CAMSAP2: variants seen among roughly 807,000 people sequenced by gnomAD.
CAMSAP2 encodes calmodulin regulated spectrin associated protein family member 2.
Under a neutral mutation model 146.1 loss-of-function variants are expected in CAMSAP2, and 26 were observed. That is an observed-to-expected ratio of 0.18 (90% CI 0.13 to 0.25). The LOEUF (loss-of-function observed/expected upper bound fraction) is 0.25, where lower values mean the gene tolerates loss of function less well. Ranked by LOEUF, CAMSAP2 falls within the 10% of genes least tolerant of loss-of-function variation. The probability of loss-of-function intolerance (pLI) is 1.00; values close to 1 mark genes in which losing one functional copy is unlikely to be tolerated. For missense variants in CAMSAP2, 1,381 were observed against 1,759.3 expected, an observed-to-expected ratio of 0.78 and a Z score of 3.85; for synonymous variants, 499 against 596.6, an observed-to-expected ratio of 0.84 and a Z score of 2.38.
At chr1:200,775,879 T>C (rs148194898) in intron 2 of CAMSAP2, among the ~76,000 whole-genome samples, 4 of 152,188 alleles carry the variant, frequency 2.6e-5, no homozygotes, top group Admixed American at 6.5e-5. Context: ...ACAAAATAAT[T>C]TGGGAAAAGA....
intron 2 of CAMSAP2, among the ~76,000 whole-genome samples, chr1:200,774,623 ATTATAG>A (rs1263021190): frequency 6.6e-6 from 1 of 152,226 alleles, no homozygotes; most frequent in African/African-American, 2.4e-5. Flanking sequence ...ATCATGTGTT[ATTATAG>A]TTAGAGTGGC....
chr1:200,830,521 T>G (rs2131832), intron 4 of CAMSAP2, among the ~76,000 whole-genome samples: 149,156 of 152,344 alleles, frequency 0.98, 73,085 homozygotes, highest in Middle Eastern at 1. Context: ...AGACTGTTTT[T>G]ATCCCAGATA....
rs1666545362 is a variant in CAMSAP2, at chr1:200,816,872, A to ATAT, written c.645+1228_645+1229insTAT. Among the ~76,000 whole-genome samples the ATAT allele has an allele frequency of 1.9e-4, 10 of 51,864 alleles. 2 individuals are homozygous for ATAT. The highest frequency in any genetic ancestry group is 2.4e-4 in the African/African-American group (3 of 12,674). 34.0% of individuals were successfully genotyped at this position (51,864 alleles called of 152,430 possible). A position where few individuals can be genotyped will look rare whatever the true frequency, so the allele number is the denominator to read the frequency against. ...CACACACACGCGTGTGTATGTGTGT[A>ATAT]CACACACACGCGTGTGTATGTGTGT... On this transcript the variant is annotated intron_variant, in intron 4 of 16. Transcript: ENST00000358823.
chr1:200,763,754 A>G (rs892641826), intron 2 of CAMSAP2, among the ~76,000 whole-genome samples: 3 of 152,112 alleles, frequency 2.0e-5, no homozygotes, highest in Non-Finnish European at 4.4e-5. Context: ...AATTTCTCAG[A>G]TTACTAGTAA....
At chr1:200,851,270 G>A (rs754081088) in intron 11 of CAMSAP2, among the ~76,000 whole-genome samples, 2 of 151,970 alleles carry the variant, frequency 1.3e-5, no homozygotes, top group African/African-American at 2.4e-5. Context: ...GCGCAATCTC[G>A]GCTTACCACA....
chr1:200,764,744 C>T (rs1442217911), intron 2 of CAMSAP2, among the ~76,000 whole-genome samples: 3 of 152,108 alleles, frequency 2.0e-5, no homozygotes, highest in South Asian at 2.1e-4. Context: ...CCAAATATCC[C>T]GTAAATGGCA....
chr1:200,838,486 C>A (rs1047247043), intron 6 of CAMSAP2, among the ~76,000 whole-genome samples: 11 of 152,078 alleles, frequency 7.2e-5, no homozygotes, highest in African/African-American at 2.7e-4. Flanking sequence ...TACGTAGATT[C>A]ATTCATTTGT....
intron 2 of CAMSAP2, among the ~76,000 whole-genome samples, chr1:200,792,690 A>G (rs1665787712): frequency 6.6e-6 from 1 of 152,204 alleles, no homozygotes; most frequent in Non-Finnish European, 1.5e-5. Context: ...AAAGTTACAT[A>G]CTGTATAAAT....
intron 6 of CAMSAP2, among the ~76,000 whole-genome samples, chr1:200,837,770 C>T (rs1667221318): frequency 6.6e-6 from 1 of 152,056 alleles, no homozygotes; most frequent in Admixed American, 6.6e-5. Flanking sequence ...TTGTAGTTCT[C>T]CTTGTAGAGA....
chr1:200,788,189 T>G (rs1288487364), intron 2 of CAMSAP2, among the ~76,000 whole-genome samples: 1 of 152,222 alleles, frequency 6.6e-6, no homozygotes, highest in Non-Finnish European at 1.5e-5. Context: ...TTTCCTCCCA[T>G]GTATTTTTAT....
intron 11 of CAMSAP2, among the ~76,000 whole-genome samples, chr1:200,851,442 G>A (rs1184206851): frequency 1.3e-5 from 2 of 152,090 alleles, no homozygotes; most frequent in Non-Finnish European, 2.9e-5. Flanking sequence ...TGATCTACCC[G>A]CCTCAGCCTC....
At chr1:200,749,725 A>G (rs1664446501) in intron 1 of CAMSAP2, among the ~76,000 whole-genome samples, 1 of 152,180 alleles carries the variant, frequency 6.6e-6, no homozygotes, top group Non-Finnish European at 1.5e-5. Context: ...CTTTATTTAT[A>G]ATAGAATTGA....
intron 2 of CAMSAP2, among the ~76,000 whole-genome samples, chr1:200,765,580 A>G (rs1352388925): frequency 6.6e-6 from 1 of 152,132 alleles, no homozygotes; most frequent in Non-Finnish European, 1.5e-5. Flanking sequence ...CGCTTGAATG[A>G]TGTTTGAACT....
Position 200,858,121 on chromosome 1 carries a change from A to G in CAMSAP2, c.*62A>G. The G allele has an allele frequency of 1.4e-6, 2 of 1,393,054 alleles. No individual in the cohort carries two copies. The highest frequency in any genetic ancestry group is 1.5e-5 in the South Asian group (1 of 66,756). 86.3% of individuals were successfully genotyped at this position (1,393,054 alleles called of 1,614,324 possible). A position where few individuals can be genotyped will look rare whatever the true frequency, so the allele number is the denominator to read the frequency against. ...AATTTGCACTTCATCTTTCCTGCCT[A>G]TAGAAAATCTTTCTAATTGCCAACA... On this transcript the variant is annotated 3_prime_UTR_variant, in exon 17 of 17. Coordinates refer to ENST00000358823, the MANE Select transcript of CAMSAP2 (RefSeq NM_203459.4).
intron 4 of CAMSAP2, among the ~76,000 whole-genome samples, chr1:200,817,251 T>TAC (rs1666621848): frequency 5.6e-4 from 6 of 10,678 alleles, no homozygotes; most frequent in African/African-American, 2.4e-3. Context: ...TACACACATA[T>TAC]GTGTGTGTAT....
chr1:200,746,877 C>G (rs1664346023), intron 1 of CAMSAP2, among the ~76,000 whole-genome samples: 1 of 151,986 alleles, frequency 6.6e-6, no homozygotes, highest in Non-Finnish European at 1.5e-5. Flanking sequence ...CTCGGCCTCC[C>G]AAAATGCTGG....
intron 3 of CAMSAP2, among the ~76,000 whole-genome samples, chr1:200,812,279 A>G (rs1407831677): frequency 1.4e-5 from 2 of 147,702 alleles, no homozygotes; most frequent in African/African-American, 5.1e-5. Context: ...ATTATATTTA[A>G]TAAACACTAA....
At chr1:200,746,837 C>G (rs1571709687) in intron 1 of CAMSAP2, among the ~76,000 whole-genome samples, 1 of 152,072 alleles carries the variant, frequency 6.6e-6, no homozygotes, top group South Asian at 2.1e-4. Context: ...CCAGGATGGT[C>G]TTGATCTCCC....
intron 1 of CAMSAP2, 59 bp from the exon 2 acceptor site, chr1:200,760,780 A>T: frequency 8.2e-7 from 1 of 1,219,716 alleles, no homozygotes; most frequent in Non-Finnish European, 1.1e-6. Context: ...TTATTAATTA[A>T]ATTCTATGTT....
Sources: gnomAD v4.1 joint callset for allele counts (sites outside exome capture counted in the v4.1 genomes callset) on GRCh38, gnomAD v4.1.1 for gene constraint, MANE v1.5 for transcripts, NCBI Gene and HGNC (gene_info 2026-07-23, HGNC 2026-07-21) for gene names.